Variants in BMERB1 observed in about 807,000 individuals in gnomAD.
BMERB1 encodes the protein bMERB domain containing 1.
BMERB1 carries 12 observed loss-of-function variants against 23.6 expected under a neutral mutation model. The ratio of observed to expected loss-of-function variants is 0.51; its 90% CI spans 0.33 to 0.82. BMERB1 has a LOEUF of 0.82. Among genes scored for constraint, BMERB1 ranks in the 40% least tolerant of loss-of-function variants. The probability of loss-of-function intolerance (pLI) is 0.03; values close to 1 mark genes in which losing one functional copy is unlikely to be tolerated. For synonymous variants in BMERB1, 122 were observed against 96.6 expected (o/e 1.26, Z -1.54); for missense variants, 247 against 255.4 (o/e 0.97, Z 0.22).
At chr16:15,585,851 A>G (rs568376279) in intron 5 of BMERB1, among the ~76,000 whole-genome samples, 1 of 152,078 alleles carries the variant, frequency 6.6e-6, no homozygotes, top group Admixed American at 6.6e-5. Flanking sequence ...GAAAAGAAAA[A>G]CCCATGAAGA....
intron 3 of BMERB1, among the ~76,000 whole-genome samples, chr16:15,573,594 C>T (rs781170409): frequency 4.5e-4 from 69 of 152,162 alleles, no homozygotes; most frequent in Middle Eastern, 3.4e-3. Context: ...ATCAAGTGCA[C>T]GGTCTGCAAA....
intron 2 of BMERB1, among the ~76,000 whole-genome samples, chr16:15,538,534 A>G (rs2052049193): frequency 1.3e-5 from 2 of 152,014 alleles, no homozygotes; most frequent in Non-Finnish European, 2.9e-5. Flanking sequence ...CTACTGTTCC[A>G]TGTCTTCAAT....
intron 2 of BMERB1, among the ~76,000 whole-genome samples, chr16:15,528,272 GGGC>G: frequency 6.6e-6 from 1 of 152,064 alleles, no homozygotes; most frequent in East Asian, 1.9e-4. Flanking sequence ...CAGAGAGGAA[GGGC>G]ACCGTCTTCT....
intron 3 of BMERB1, among the ~76,000 whole-genome samples, chr16:15,574,949 C>G (rs2030820796): frequency 6.6e-6 from 1 of 152,086 alleles, no homozygotes; most frequent in South Asian, 2.1e-4. Flanking sequence ...TGTGGTGGCG[C>G]CTGCCTGTAC....
At chr16:15,518,477 C>T (rs374371458) in intron 2 of BMERB1, among the ~76,000 whole-genome samples, 9 of 152,118 alleles carry the variant, frequency 5.9e-5, no homozygotes, top group African/African-American at 1.9e-4. Flanking sequence ...AGACGGTGGA[C>T]ACTAAGGCAA....
intron 2 of BMERB1, among the ~76,000 whole-genome samples, chr16:15,523,429 G>A (rs1041151970): frequency 3.9e-5 from 6 of 152,170 alleles, no homozygotes; most frequent in Non-Finnish European, 7.3e-5. Context: ...GGGCACAGGC[G>A]TGGGGGTGGA....
At chr16:15,583,347 G>A in intron 5 of BMERB1, 109 bp downstream of exon 5, 1 of 881,286 alleles carries the variant, frequency 1.1e-6, no homozygotes, top group Non-Finnish European at 1.9e-6. Flanking sequence ...AGAGGCCAAG[G>A]TGGGTGGATC....
chr16:15,585,401 G>A (rs1357333642), intron 5 of BMERB1, among the ~76,000 whole-genome samples: 1 of 152,132 alleles, frequency 6.6e-6, no homozygotes, highest in Non-Finnish European at 1.5e-5. Flanking sequence ...AAAAACTATT[G>A]TAAAACCAGT....
chr16:15,549,018 C>T (rs1177818854), intron 2 of BMERB1, among the ~76,000 whole-genome samples: 1 of 151,992 alleles, frequency 6.6e-6, no homozygotes, highest in Non-Finnish European at 1.5e-5. Flanking sequence ...AGAGTTTTTT[C>T]CTTCAGTCCT....
intron 1 of BMERB1, among the ~76,000 whole-genome samples, chr16:15,445,956 A>C (rs1598442394): frequency 6.6e-6 from 1 of 152,372 alleles, no homozygotes; most frequent in East Asian, 1.9e-4. Context: ...AATGGATCAC[A>C]AAATCATCAT....
At chr16:15,434,835 G>C in intron 1 of BMERB1, 76 bp downstream of exon 1, 1 of 1,314,778 alleles carries the variant, frequency 7.6e-7, no homozygotes, top group Non-Finnish European at 1.0e-6. Flanking sequence ...TCGCGGGAGC[G>C]CGAGGAACGC....
At chr16:15,438,507 G>T (rs1271494987) in intron 1 of BMERB1, among the ~76,000 whole-genome samples, 4 of 149,196 alleles carry the variant, frequency 2.7e-5, no homozygotes, top group South Asian at 2.1e-4. Context: ...TGTCGCCCAG[G>T]CTGGAGTGCA....
intron 2 of BMERB1, among the ~76,000 whole-genome samples, chr16:15,558,709 G>A (rs2030337136): frequency 6.7e-6 from 1 of 148,488 alleles, no homozygotes. Context: ...TAAGGAAGCC[G>A]GTGGGGGGGT....
chr16:15,515,565 C>A, intron 2 of BMERB1, 137 bp downstream of exon 2: 1 of 1,228,174 alleles, frequency 8.1e-7, no homozygotes, highest in Non-Finnish European at 1.1e-6. Context: ...TCATTTGATT[C>A]TCACCACCAC....
rs573875406 is a variant in BMERB1 at position 15,452,222 on chromosome 16, A to C, written c.106+17463A>C. On this transcript the variant is annotated intron_variant, in intron 1 of 5. Transcript: ENST00000300006. ...CTTGAACCCAGGAGTTTGAGGTTAC[A>C]GTGAGCCATGATTGGGCCACTGCGC... 2.7e-5 allele frequency among the ~76,000 whole-genome samples: 4 copies of C among 148,740 alleles called. No individual in the cohort carries two copies. In the East Asian group the frequency reaches 8.4e-4, roughly 31 times the overall value.
In BMERB1 at chr16:15,567,964, T is replaced by C. The variant is rs1346334537; in HGVS notation, c.231-19T>C. ...CTCTGCTGATGTAACCTGCTGTTGATGGTGTCCTGTTTCCCCAGGATGGAT... is the reference window on the plus strand; with the variant it reads ...CTCTGCTGATGTAACCTGCTGTTGACGGTGTCCTGTTTCCCCAGGATGGAT... On this transcript the variant is annotated intron_variant, in intron 2 of 5. Transcript: ENST00000300006. 1 of 1,607,802 alleles carries C rather than the reference T, an allele frequency of 6.2e-7. No individual in the cohort carries two copies. Among genetic ancestry groups the C allele is most frequent in the Admixed American group, 1.7e-5 (1 of 59,820 alleles).
At chr16:15,484,316 G>C (rs1316920490) in intron 1 of BMERB1, among the ~76,000 whole-genome samples, 6 of 152,116 alleles carry the variant, frequency 3.9e-5, no homozygotes, top group African/African-American at 1.4e-4. Flanking sequence ...CCCTTCTCCT[G>C]CCTCTTGACC....
chr16:15,501,555 A>G (rs2630889), intron 1 of BMERB1, among the ~76,000 whole-genome samples: 76,352 of 151,860 alleles, frequency 0.5, 21,259 homozygotes, highest in Middle Eastern at 0.67. Flanking sequence ...GCTCACTGCA[A>G]CCTCCGCCTC....
chr16:15,492,860 A>C (rs186158466), intron 1 of BMERB1, among the ~76,000 whole-genome samples: 1 of 151,942 alleles, frequency 6.6e-6, no homozygotes, highest in East Asian at 1.9e-4. Flanking sequence ...CGGAGGTTGC[A>C]GTGAGCTGAG....
Sources: allele counts gnomAD v4.1 joint callset (sites outside exome capture counted in the v4.1 genomes callset), GRCh38; gene constraint gnomAD v4.1.1; transcripts MANE v1.5; gene names NCBI Gene and HGNC (gene_info 2026-07-23, HGNC 2026-07-21).